Variants in KCTD16 observed in about 807,000 individuals in gnomAD.
The protein encoded by KCTD16 is potassium channel tetramerization domain containing 16.
In KCTD16, 13 loss-of-function variants were observed where a neutral mutation model predicts 33.2. The ratio of observed to expected loss-of-function variants is 0.39; its 90% CI spans 0.25 to 0.62. The LOEUF (loss-of-function observed/expected upper bound fraction) is 0.62. Ranked by LOEUF, KCTD16 falls within the 20% of genes least tolerant of loss-of-function variation. The pLI, the probability that KCTD16 is intolerant of heterozygous loss-of-function variation, is 0.50. For synonymous variants in KCTD16, 197 were observed against 195.3 expected (o/e 1.01, Z -0.07); for missense variants, 441 against 525.1 (o/e 0.84, Z 1.57).
intron 3 of KCTD16, among the ~76,000 whole-genome samples, chr5:144,459,956 C>T (rs1459623675): frequency 1.7e-5 from 2 of 120,866 alleles, no homozygotes; most frequent in Non-Finnish European, 3.5e-5. Flanking sequence ...CTCAGTCTCC[C>T]GAGTTAACTG....
chr5:144,304,072 A>T (rs1751520979), intron 3 of KCTD16, among the ~76,000 whole-genome samples: 1 of 152,180 alleles, frequency 6.6e-6, no homozygotes, highest in African/African-American at 2.4e-5. Context: ...TTCTGGCTCT[A>T]CAAAAATATT....
chr5:144,276,765 T>C (rs1755448733), intron 3 of KCTD16, among the ~76,000 whole-genome samples: 1 of 152,036 alleles, frequency 6.6e-6, no homozygotes, highest in Admixed American at 6.5e-5. Context: ...TAGCCATGCA[T>C]AGTGGCTTAC....
chr5:144,244,846 C>T (rs1754506497), intron 3 of KCTD16, among the ~76,000 whole-genome samples: 1 of 152,198 alleles, frequency 6.6e-6, no homozygotes, highest in East Asian at 1.9e-4. Flanking sequence ...CAAATCCCCT[C>T]CTAGGATGGT....
chr5:144,199,399 G>A (rs1752999106), intron 2 of KCTD16, among the ~76,000 whole-genome samples: 1 of 152,136 alleles, frequency 6.6e-6, no homozygotes, highest in South Asian at 2.1e-4. Context: ...GGAATAACAC[G>A]ACATGGATCA....
intron 3 of KCTD16, among the ~76,000 whole-genome samples, chr5:144,275,516 T>C (rs1024451767): frequency 1.3e-5 from 2 of 152,184 alleles, no homozygotes; most frequent in African/African-American, 4.8e-5. Flanking sequence ...TCTCTAAAAC[T>C]GTATTGTTAC....
chr5:144,410,074 C>G (rs1179422931), intron 3 of KCTD16, among the ~76,000 whole-genome samples: 4 of 152,266 alleles, frequency 2.6e-5, no homozygotes, highest in Middle Eastern at 3.4e-3. Flanking sequence ...CTCAATGGGA[C>G]AGAAAGCATG....
At chr5:144,205,030 A>G (rs1337970861) in intron 2 of KCTD16, among the ~76,000 whole-genome samples, 1 of 152,126 alleles carries the variant, frequency 6.6e-6, no homozygotes, top group African/African-American at 2.4e-5. Context: ...GATTTTTCAA[A>G]TAAAAAGTCA....
chr5:144,270,574 CA>C lies in KCTD16; in HGVS notation c.832+63029del, dbSNP rs1755265435. On this transcript the variant is annotated intron_variant, in intron 3 of 3. Transcript: ENST00000512467. ...CTATAAAATTTTACAGCTATAAACA[CA>C]GTAAAAAATAAGAAATATCTCAAAT... Among the ~76,000 whole-genome samples the C allele has an allele frequency of 2.0e-5, 3 of 147,986 alleles. No homozygotes were observed. In the South Asian group the frequency reaches 6.3e-4, roughly 31 times the overall value.
intron 3 of KCTD16, among the ~76,000 whole-genome samples, chr5:144,371,627 C>A (rs1005024084): frequency 1.3e-5 from 2 of 152,012 alleles, no homozygotes; most frequent in Admixed American, 1.3e-4. Flanking sequence ...TTAATGAATG[C>A]CATTGCAATT....
chr5:144,435,502 TGTAA>T lies in KCTD16; in HGVS notation c.833-38154_833-38151del, dbSNP rs375071607. Among the ~76,000 whole-genome samples, 516 of 152,354 alleles carry T rather than the reference TGTAA, an allele frequency of 3.4e-3. 5 individuals are homozygous for T. The highest frequency in any genetic ancestry group is 0.012 in the African/African-American group (496 of 41,590). ...TTTATATTTCAAAATGTGAACATAC[TGTAA>T]GTATCAGTCTCCTTTTAAGGAATAT... On this transcript the variant is annotated intron_variant, in intron 3 of 3. Coordinates refer to ENST00000512467, the MANE Select transcript of KCTD16 (RefSeq NM_020768.4).
rs368957124 is a variant in KCTD16 at position 144,479,365 on chromosome 5, C to CAAAAAAAAAAAAAAAAAAAAA, written c.*5267_*5268insAAAAAAAAAAAAAAAAAAAAA. The CAAAAAAAAAAAAAAAAAAAAA allele has an allele frequency of 1.1e-5, 1 of 92,480 alleles. No homozygotes were observed. Among genetic ancestry groups the CAAAAAAAAAAAAAAAAAAAAA allele is most frequent in the Non-Finnish European group, 2.0e-5 (1 of 48,970 alleles). The allele number at this position is 92,480 out of a possible 1,614,324, so 5.7% of individuals were successfully genotyped here. On this transcript the variant is annotated 3_prime_UTR_variant, in exon 4 of 4. Coordinates refer to ENST00000512467, the MANE Select transcript of KCTD16 (RefSeq NM_020768.4). Reference sequence around the variant, plus strand: ...CCAAACTGATGTGTAAGAATAAATGCAAAAAAAAAAAAAAAAGAAAAAGAA... The same window carrying CAAAAAAAAAAAAAAAAAAAAA: ...CCAAACTGATGTGTAAGAATAAATGCAAAAAAAAAAAAAAAAAAAAAAAAAAAAAAAAAAAAAGAAAAAGAA...
chr5:144,254,318 T>TG (rs202145038), intron 3 of KCTD16, among the ~76,000 whole-genome samples: 11 of 132,060 alleles, frequency 8.3e-5, no homozygotes, highest in East Asian at 2.2e-4. Context: ...TTTTTTTTGT[T>TG]TTTTTAGTTA....
chr5:144,383,570 A>C (rs2126933166), intron 3 of KCTD16, among the ~76,000 whole-genome samples: 1 of 152,228 alleles, frequency 6.6e-6, no homozygotes, highest in Admixed American at 6.5e-5. Context: ...AAACATTCTA[A>C]AGTAATTAGA....
chr5:144,464,708 C>CTCT (rs3078472), intron 3 of KCTD16, among the ~76,000 whole-genome samples: 64,387 of 150,518 alleles, frequency 0.43, 14,044 homozygotes, highest in East Asian at 0.67. Context: ...CTTCCTCCTC[C>CTCT]TCTTCTTCTT....
intron 3 of KCTD16, among the ~76,000 whole-genome samples, chr5:144,411,783 A>G (rs1238556722): frequency 6.6e-6 from 1 of 152,196 alleles, no homozygotes; most frequent in Non-Finnish European, 1.5e-5. Context: ...GCAACTATCC[A>G]TCTGACAAGA....
chr5:144,282,636 T>C (rs1755636882), intron 3 of KCTD16, among the ~76,000 whole-genome samples: 1 of 152,062 alleles, frequency 6.6e-6, no homozygotes, highest in Non-Finnish European at 1.5e-5. Context: ...TTCAGAAGTG[T>C]TTAGTGTTGT....
chr5:144,246,131 CAG>C, intron 3 of KCTD16, among the ~76,000 whole-genome samples: 1 of 152,236 alleles, frequency 6.6e-6, no homozygotes, highest in East Asian at 1.9e-4. Context: ...GATGTTTGGG[CAG>C]AGAGTTGGTC....
intron 3 of KCTD16, among the ~76,000 whole-genome samples, chr5:144,386,169 A>G (rs1398140130): frequency 6.6e-6 from 1 of 152,210 alleles, no homozygotes; most frequent in Non-Finnish European, 1.5e-5. Flanking sequence ...TCTTTTCTAC[A>G]GAGCTCAATA....
intron 3 of KCTD16, among the ~76,000 whole-genome samples, chr5:144,214,328 C>T (rs1042918446): frequency 6.6e-6 from 1 of 152,088 alleles, no homozygotes; most frequent in Non-Finnish European, 1.5e-5. Context: ...CTCCCCCTCC[C>T]GCATCCAGTA....
Sources: allele counts gnomAD v4.1 joint callset (sites outside exome capture counted in the v4.1 genomes callset), GRCh38; gene constraint gnomAD v4.1.1; transcripts MANE v1.5; gene names NCBI Gene and HGNC (gene_info 2026-07-23, HGNC 2026-07-21).